SMIM7: variants seen among roughly 807,000 people sequenced by gnomAD.
The protein encoded by SMIM7 is UPF0608 protein C19orf42.
In SMIM7, 12 loss-of-function variants were observed where a neutral mutation model predicts 13.3. The ratio of observed to expected loss-of-function variants is 0.90; its 90% CI spans 0.58 to 1.46. The LOEUF (loss-of-function observed/expected upper bound fraction) is 1.46. Ranked by LOEUF, SMIM7 falls within the 40% of genes most tolerant of loss-of-function variation. The pLI is 0.00. For synonymous variants in SMIM7, 36 were observed against 35.8 expected, an observed-to-expected ratio of 1.01 and a Z score of -0.02; for missense variants, 114 against 94.8, an observed-to-expected ratio of 1.20 and a Z score of -0.84.
At chr19:16,634,392 A>G (rs1437415652) in intron 4 of SMIM7, 5 of 152,262 alleles carry the variant, frequency 3.3e-5, no homozygotes, top group African/African-American at 1.2e-4. Flanking sequence ...AGTGGAAACC[A>G]TGCTCTACCC....
downstream of SMIM7, chr19:16,645,907 C>A (rs1373592803): frequency 1.3e-5 from 2 of 152,040 alleles, no homozygotes; most frequent in African/African-American, 4.8e-5. Flanking sequence ...AGTGATCCGC[C>A]TACCTCGGCC....
At chr19:16,652,483 T>G in intron 4 of SMIM7, 1 of 982,160 alleles carries the variant, frequency 1.0e-6, no homozygotes, top group Non-Finnish European at 1.2e-6. Context: ...ATTACAGGCC[T>G]GAGCCACTGC....
chr19:16,650,880 A>G (rs1012246638), intron 4 of SMIM7, among the ~76,000 whole-genome samples: 2 of 152,128 alleles, frequency 1.3e-5, no homozygotes, highest in Non-Finnish European at 2.9e-5. Flanking sequence ...GCACTCATTT[A>G]AGGTTTATCC....
intron 4 of SMIM7, chr19:16,640,279 G>C (rs1333955950): frequency 6.6e-6 from 1 of 152,156 alleles, no homozygotes; most frequent in Non-Finnish European, 1.5e-5. Flanking sequence ...GTTTCACCAT[G>C]TTGGCCAGGC....
intron 4 of SMIM7, chr19:16,653,534 G>C (rs2086556152): frequency 6.2e-6 from 1 of 160,304 alleles, no homozygotes; most frequent in South Asian, 1.7e-4. Flanking sequence ...AGTGAGCCGA[G>C]ATCACGCCAC....
chr19:16,657,512 A>G (rs1050052681), intron 3 of SMIM7, among the ~76,000 whole-genome samples: 4 of 152,224 alleles, frequency 2.6e-5, no homozygotes, highest in Non-Finnish European at 4.4e-5. Flanking sequence ...CACAACCGCT[A>G]GAGTCAGAAA....
intron 4 of SMIM7, among the ~76,000 whole-genome samples, chr19:16,647,992 C>T (rs964512611): frequency 1.4e-4 from 21 of 152,192 alleles, no homozygotes; most frequent in African/African-American, 4.8e-4. Context: ...ACAGACCTAA[C>T]TATCCTCCAG....
chr19:16,653,013 T>C (rs1236869853), intron 4 of SMIM7: 7 of 1,540,588 alleles, frequency 4.5e-6, no homozygotes, highest in Non-Finnish European at 6.1e-6. Context: ...CTGAATACAT[T>C]TCTACTGGCT....
intron 4 of SMIM7, among the ~76,000 whole-genome samples, chr19:16,635,715 C>CCAG (rs1258697190): frequency 6.6e-6 from 1 of 151,516 alleles, no homozygotes; most frequent in Admixed American, 6.6e-5. Flanking sequence ...AATCCCATCT[C>CCAG]TAAGAGAACG....
downstream of SMIM7, chr19:16,645,630 A>G (rs1434183509): frequency 6.6e-6 from 1 of 151,318 alleles, no homozygotes; most frequent in Non-Finnish European, 1.5e-5. Context: ...TTTCAGGAGC[A>G]GCTCCAGTCA....
intron 4 of SMIM7, chr19:16,652,776 T>A (rs1215290767): frequency 1.3e-6 from 2 of 1,509,462 alleles, no homozygotes; most frequent in African/African-American, 1.4e-5. Flanking sequence ...GACAGACAAC[T>A]TTTTGTCCTC....
In SMIM7 at chr19:16,659,542, A is replaced by G. The variant is rs2086644436; in HGVS notation, c.69-95T>C. The G allele has an allele frequency of 1.2e-5, 16 of 1,306,406 alleles. No individual in the cohort carries two copies. The South Asian group carries it at 2.0e-4, about 16-fold the overall frequency. The allele number at this position is 1,306,406 out of a possible 1,614,324, so 80.9% of individuals were successfully genotyped here. ...CAGAAGGCCACAAACACTAAGTTTC[A>G]GCCCTGGCCCTGCCGCAAACTTGCT... On this transcript the variant is annotated intron_variant, in intron 2 of 4. Transcript: ENST00000487416.
chr19:16,655,450 G>T, intron 3 of SMIM7: 1 of 453,976 alleles, frequency 2.2e-6, no homozygotes, highest in Non-Finnish European at 4.4e-6. Context: ...GGAGGCCGAG[G>T]CAGGCAGATT....
chr19:16,651,116 G>A (rs1344965550), intron 4 of SMIM7, among the ~76,000 whole-genome samples: 1 of 152,110 alleles, frequency 6.6e-6, no homozygotes, highest in African/African-American at 2.4e-5. Context: ...AAATATCCTG[G>A]GAAAGCCAGT....
intron 2 of SMIM7, 129 bp downstream of exon 2, chr19:16,659,829 GC>G: frequency 7.2e-6 from 9 of 1,242,104 alleles, no homozygotes; most frequent in Non-Finnish European, 1.0e-5. Context: ...CTGGAGGCGT[GC>G]CCAGAGGGCG....
intron 4 of SMIM7, among the ~76,000 whole-genome samples, chr19:16,639,417 C>T (rs188359893): frequency 1.1e-3 from 168 of 152,216 alleles, no homozygotes; most frequent in African/African-American, 3.7e-3. Flanking sequence ...CCACTGCGCC[C>T]GGTCATAAGA....
chr19:16,653,005 G>A lies in SMIM7; in HGVS notation c.212+1030C>T, dbSNP rs911174177. The A allele has an allele frequency of 7.8e-6, 12 of 1,546,640 alleles. No homozygotes were observed. The African/African-American group carries it at 1.2e-4, about 16-fold the overall frequency. ...GCCAGAATTTAAAACAATAAAGTCT[G>A]AATACATTTCTACTGGCTTCCAGCC... is the stretch of plus-strand genomic sequence containing the variant. On this transcript the variant is annotated intron_variant, in intron 4 of 4. Transcript: ENST00000487416.
intron 4 of SMIM7, among the ~76,000 whole-genome samples, chr19:16,650,820 T>C (rs2086515207): frequency 6.6e-6 from 1 of 151,700 alleles, no homozygotes; most frequent in African/African-American, 2.4e-5. Flanking sequence ...CCATCTGGAG[T>C]GGATCCTTCC....
chr19:16,654,346 T>C (rs1210304908), intron 3 of SMIM7, among the ~76,000 whole-genome samples: 1 of 152,134 alleles, frequency 6.6e-6, no homozygotes, highest in African/African-American at 2.4e-5. Context: ...CTGCCTCTGA[T>C]TGGCTCAAGA....
Sources: allele counts gnomAD v4.1 joint callset (sites outside exome capture counted in the v4.1 genomes callset), GRCh38; gene constraint gnomAD v4.1.1; transcripts MANE v1.5; gene names NCBI Gene and HGNC (gene_info 2026-07-23, HGNC 2026-07-21).